The following VWF variants were observed in gnomAD, a reference collection of about 807,000 sequenced individuals.
VWF encodes von Willebrand factor.
VWF carries 176 observed loss-of-function variants against 308.6 expected under a neutral mutation model. The ratio of observed to expected loss-of-function variants is 0.57; its 90% CI spans 0.50 to 0.65. VWF has a LOEUF of 0.65. VWF is among the 30% of genes least tolerant of loss of function. The probability of loss-of-function intolerance (pLI) is 0.00; values close to 1 mark genes in which losing one functional copy is unlikely to be tolerated. For synonymous variants in VWF, 1,385 were observed against 1,443.4 expected, an observed-to-expected ratio of 0.96 and a Z score of 0.92; for missense variants, 3,146 against 3,648.2, an observed-to-expected ratio of 0.86 and a Z score of 3.55.
chr12:5,958,240 C>T (rs1246163677), intron 47 of VWF, among the ~76,000 whole-genome samples: 2 of 152,152 alleles, frequency 1.3e-5, no homozygotes, highest in African/African-American at 4.8e-5. Flanking sequence ...TCAATAATTA[C>T]ATTAAATGGA....
At position 6,065,319 on chromosome 12, in the gene VWF, T is replaced by A. The variant is rs1451158868; in HGVS notation, c.1157-46A>T. On this transcript the variant is annotated intron_variant, in intron 10 of 51. Coordinates refer to ENST00000261405, the MANE Select transcript of VWF (RefSeq NM_000552.5). ...GGAGAAGAATGGGAGGTGAGGGCACTTCCCCTGGGGTGGCCAAGGTGGAAT... is the reference window on the plus strand; with the variant it reads ...GGAGAAGAATGGGAGGTGAGGGCACATCCCCTGGGGTGGCCAAGGTGGAAT... The A allele has an allele frequency of 3.1e-6, 5 of 1,611,558 alleles. No homozygotes were observed. In the South Asian group the frequency reaches 3.3e-5, roughly 11 times the overall value.
rs200770256 is a variant in VWF, at chr12:5,968,126, C to T, written c.7770+1G>A. 1 of 1,614,142 alleles carries T rather than the reference C, an allele frequency of 6.2e-7. No individual in the cohort carries two copies. Among genetic ancestry groups the T allele is most frequent in the East Asian group, 2.2e-5 (1 of 44,884 alleles). On this transcript the variant is annotated splice_donor_variant, in intron 46 of 51. Coordinates refer to ENST00000261405, the MANE Select transcript of VWF (RefSeq NM_000552.5). LOFTEE classifies it high-confidence loss of function. Reference sequence around the variant, plus strand: ...CTCTGGAGAAGAGGACAGCGGCTCACCCCAATGACAGTGCCATTGAGCATG... The same window carrying T: ...CTCTGGAGAAGAGGACAGCGGCTCATCCCAATGACAGTGCCATTGAGCATG...
chr12:5,968,879 G>C (rs1224314454), intron 45 of VWF, among the ~76,000 whole-genome samples: 1 of 152,174 alleles, frequency 6.6e-6, no homozygotes, highest in Non-Finnish European at 1.5e-5. Flanking sequence ...AGTTTTTGTT[G>C]TTGTTGCCAT....
chr12:6,066,611 TC>T (rs1449344026), intron 10 of VWF, among the ~76,000 whole-genome samples: 1 of 152,166 alleles, frequency 6.6e-6, no homozygotes, highest in Non-Finnish European at 1.5e-5. Flanking sequence ...CACCTGAAGT[TC>T]CCCCTTTGGG....
chr12:6,043,684 A>G (rs1944416531), intron 18 of VWF, among the ~76,000 whole-genome samples: 1 of 152,252 alleles, frequency 6.6e-6, no homozygotes, highest in African/African-American at 2.4e-5. Flanking sequence ...GTCGCAAACC[A>G]GCACGGCCTT....
Position 6,052,787 on chromosome 12 carries a change from G to A in VWF, c.1946-4C>T, listed in dbSNP as rs61748461. 4 of 1,504,192 alleles carry A rather than the reference G, an allele frequency of 2.7e-6. No homozygotes were observed. The highest frequency in any genetic ancestry group is 3.5e-6 in the Non-Finnish European group (4 of 1,131,552). The allele number at this position is 1,504,192 out of a possible 1,614,324, so 93.2% of individuals were successfully genotyped here. A position where few individuals can be genotyped will look rare whatever the true frequency, so the allele number is the denominator to read the frequency against. ...TGGCCTTTCGGGCAGTTCAGCTCTA[G>A]AAGAGAGAGGAGAAGTAAGGCCTCA... On this transcript the variant is annotated splice_polypyrimidine_tract_variant and splice_region_variant and intron_variant, in intron 15 of 51. Transcript: ENST00000261405.
At chr12:6,021,459 A>G (rs1474453553) in intron 27 of VWF, 1 of 175,556 alleles carries the variant, frequency 5.7e-6, no homozygotes, top group African/African-American at 2.4e-5. Flanking sequence ...CACCTTGACT[A>G]TGGCCCCCAC....
chr12:6,002,739 A>C (rs1943885409), intron 34 of VWF, among the ~76,000 whole-genome samples: 2 of 152,190 alleles, frequency 1.3e-5, no homozygotes, highest in African/African-American at 4.8e-5. Context: ...ATTTTCCTAA[A>C]CTTCCAAAGA....
At chr12:6,118,376 CTTTTTTTTTTTTT>C (rs71064189) in intron 3 of VWF, among the ~76,000 whole-genome samples, 9 of 65,514 alleles carry the variant, frequency 1.4e-4, no homozygotes, top group South Asian at 6.1e-4. Flanking sequence ...CCTCTGGTCA[CTTTTTTTTTTTTT>C]TTTTTTTTTT....
At chr12:5,962,038 G>C (rs1943323975) in intron 47 of VWF, among the ~76,000 whole-genome samples, 1 of 151,896 alleles carries the variant, frequency 6.6e-6, no homozygotes, top group South Asian at 2.1e-4. Flanking sequence ...GATGCCATGA[G>C]AAAGCACTGC....
At chr12:6,054,619 C>T (rs935501321) in intron 15 of VWF, among the ~76,000 whole-genome samples, 1 of 152,202 alleles carries the variant, frequency 6.6e-6, no homozygotes, top group African/African-American at 2.4e-5. Context: ...AGATGGCCAG[C>T]CCTGGTCCTT....
intron 19 of VWF, among the ~76,000 whole-genome samples, chr12:6,036,019 A>G (rs71582865): frequency 0.013 from 1,967 of 152,372 alleles, 27 homozygotes; most frequent in African/African-American, 0.034. Context: ...AACGTGTATA[A>G]GGTATATATG....
chr12:5,985,951 T>C (rs1943676068), intron 38 of VWF, among the ~76,000 whole-genome samples: 1 of 152,164 alleles, frequency 6.6e-6, no homozygotes, highest in Non-Finnish European at 1.5e-5. Flanking sequence ...AAATGAGAGT[T>C]CTTGGATCGC....
Position 6,052,762 on chromosome 12 carries a change from T to A in VWF, c.1967A>T (p.Gln656Leu). Residue 656 changes from glutamine to leucine, a missense_variant, in exon 16 of 52, where the codon CAG (glutamine) becomes CTG (leucine). This residue lies in a region of VWF where 1,304 missense variants were observed against 1,353.0 expected (regional missense o/e 0.96). Coordinates refer to ENST00000261405, the MANE Select transcript of VWF (RefSeq NM_000552.5). ...GGGGGTCCCGCACTGCAGGTACACC[T>A]GGCCTTTCGGGCAGTTCAGCTCTAG... ...GRCELNCPKGQVYLQCGTPCN... is the reference protein window; with the variant it reads ...GRCELNCPKGLVYLQCGTPCN... 1.2e-6 allele frequency: 2 copies of A among 1,611,692 alleles called. No homozygotes were observed. The highest frequency in any genetic ancestry group is 1.7e-6 in the Non-Finnish European group (2 of 1,179,404).
chr12:6,111,906 G>A (rs867053665), intron 3 of VWF, among the ~76,000 whole-genome samples: 13 of 151,974 alleles, frequency 8.6e-5, no homozygotes, highest in Middle Eastern at 3.4e-3. Context: ...TGCAGTGAGC[G>A]GAGATCGCGC....
intron 6 of VWF, among the ~76,000 whole-genome samples, chr12:6,082,633 T>C (rs1262037126): frequency 6.6e-6 from 1 of 152,242 alleles, no homozygotes; most frequent in Admixed American, 6.5e-5. Flanking sequence ...AAGGCAAATG[T>C]TGCGCTGTAG....
intron 34 of VWF, among the ~76,000 whole-genome samples, chr12:6,003,933 A>G (rs1943900557): frequency 6.7e-6 from 1 of 148,684 alleles, no homozygotes; most frequent in Non-Finnish European, 1.5e-5. Flanking sequence ...CTCCTGCCTC[A>G]GCCTCCCGAG....
chr12:5,957,505 C>G (rs992850822), intron 47 of VWF, among the ~76,000 whole-genome samples: 8 of 151,966 alleles, frequency 5.3e-5, no homozygotes, highest in African/African-American at 1.7e-4. Flanking sequence ...TAAAGAAAAA[C>G]TGTTAAAGCA....
chr12:6,087,239 G>C (rs770955888), intron 6 of VWF, among the ~76,000 whole-genome samples: 2 of 151,912 alleles, frequency 1.3e-5, no homozygotes, highest in Non-Finnish European at 2.9e-5. Flanking sequence ...CTTTAGCTTC[G>C]AACGGGCATA....
Sources: allele counts gnomAD v4.1 joint callset (sites outside exome capture counted in the v4.1 genomes callset), GRCh38; gene constraint gnomAD v4.1.1; regional missense constraint gnomAD v4.1.1; transcripts MANE v1.5; gene names NCBI Gene and HGNC (gene_info 2026-07-23, HGNC 2026-07-21).